The following CDK5RAP2 variants were observed in gnomAD, a reference collection of about 807,000 sequenced individuals.
CDK5RAP2 encodes the protein CDK5 regulatory subunit-associated protein 2.
In CDK5RAP2, 147 loss-of-function variants were observed where a neutral mutation model predicts 232.9. The observed-to-expected ratio is 0.63, with a 90% CI of 0.55 to 0.72. CDK5RAP2 has a LOEUF of 0.72. CDK5RAP2 is among the 30% of genes least tolerant of loss of function. The pLI is 0.00. For missense variants in CDK5RAP2, 2,195 were observed against 2,231.5 expected, an observed-to-expected ratio of 0.98 and a Z score of 0.33; for synonymous variants, 833 against 833.7, an observed-to-expected ratio of 1.00 and a Z score of 0.01.
chr9:120,394,671 A>C (rs367948561), intron 35 of CDK5RAP2, 33 bp from the exon 36 acceptor site: 114 of 1,514,822 alleles, frequency 7.5e-5, no homozygotes, highest in Non-Finnish European at 9.7e-5. Context: ...AAATGAACAA[A>C]GAACATAAAC....
At position 120,518,561 on chromosome 9, in the gene CDK5RAP2, C is replaced by G; in HGVS notation, c.1177G>C (p.Glu393Gln). Residue 393 changes from glutamate (E) to glutamine (Q), a missense_variant, in exon 12 of 38, where the codon GAG becomes CAG. Physicochemically the swap from Glu to Gln is conservative, Grantham distance 29 (BLOSUM62 2). Coordinates refer to ENST00000349780, the MANE Select transcript of CDK5RAP2 (RefSeq NM_018249.6). Reference protein sequence around the residue: ...LRSQNLTKSTENHRLRRSIKK... With the variant: ...LRSQNLTKSTQNHRLRRSIKK... ...ATGCTTCTACGCAGTCTGTGGTTCT[C>G]TGTACTCTTGGTGAGGTTTTGTGAG... 2 of 1,613,780 alleles carry G rather than the reference C, an allele frequency of 1.2e-6. No homozygotes were observed. The highest frequency in any genetic ancestry group is 1.7e-6 in the Non-Finnish European group (2 of 1,179,990).
intron 3 of CDK5RAP2, among the ~76,000 whole-genome samples, chr9:120,562,149 G>A (rs2042484866): frequency 6.6e-6 from 1 of 152,158 alleles, no homozygotes; most frequent in Non-Finnish European, 1.5e-5. Flanking sequence ...CATCAACAGA[G>A]CTTTATTCCT....
chr9:120,389,906 G>A lies in CDK5RAP2; in HGVS notation c.5579-119C>T, dbSNP rs531490909. The A allele has an allele frequency of 7.5e-5, 65 of 861,030 alleles. No individual in the cohort carries two copies. In the African/African-American group the frequency reaches 7.8e-4, roughly 10 times the overall value. 53.3% of individuals were successfully genotyped at this position (861,030 alleles called of 1,614,324 possible). A position where few individuals can be genotyped will look rare whatever the true frequency, so the allele number is the denominator to read the frequency against. On this transcript the variant is annotated intron_variant, in intron 36 of 37. Transcript: ENST00000349780. Reference sequence around the variant, plus strand: ...AAGGGCTCGGACATGTAGACAACACGAGGTCTGAAGCATCCAGACCAGAGG... The same window carrying A: ...AAGGGCTCGGACATGTAGACAACACAAGGTCTGAAGCATCCAGACCAGAGG...
chr9:120,529,584 C>T (rs565317741), intron 8 of CDK5RAP2, among the ~76,000 whole-genome samples: 46 of 152,354 alleles, frequency 3.0e-4, no homozygotes, highest in Middle Eastern at 3.4e-3. Context: ...TCTTCCCACC[C>T]TACCTCTCAA....
chr9:120,461,560 G>A (rs1333529553), intron 18 of CDK5RAP2, among the ~76,000 whole-genome samples: 1 of 152,162 alleles, frequency 6.6e-6, no homozygotes, highest in Non-Finnish European at 1.5e-5. Context: ...AAAGAGTCTG[G>A]CCAGGTGCGG....
chr9:120,553,592 A>AT (rs948835412), intron 3 of CDK5RAP2, among the ~76,000 whole-genome samples: 2 of 152,190 alleles, frequency 1.3e-5, no homozygotes, highest in African/African-American at 4.8e-5. Flanking sequence ...GGAAAAGTGC[A>AT]TAGTGCTTGG....
Position 120,439,452 on chromosome 9 carries a change from A to C in CDK5RAP2, c.3669T>G (p.Leu1223=). 1 of 1,614,156 alleles carries C rather than the reference A, an allele frequency of 6.2e-7. No homozygotes were observed. Among genetic ancestry groups the C allele is most frequent in the Non-Finnish European group, 8.5e-7 (1 of 1,180,020 alleles). The change falls in exon 24 of 38, where the codon CTT becomes CTG. Residue 1223 remains leucine, a synonymous_variant. Transcript: ENST00000349780. ...LQKEQNLNMQ[L]FSEIHNLQNK... The stretch of plus-strand genomic sequence containing the variant: ...TCTGCAGATTATGGATCTCACTGAA[A>C]AGTTGCATGTTCAAATTCTGCTCCT...
chr9:120,507,481 CAAG>C (rs1295462903), intron 12 of CDK5RAP2, among the ~76,000 whole-genome samples: 1 of 152,088 alleles, frequency 6.6e-6, no homozygotes, highest in African/African-American at 2.4e-5. Flanking sequence ...AAGCCAAATC[CAAG>C]AAGCTCTAGG....
intron 12 of CDK5RAP2, chr9:120,517,992 G>A (rs894735636): frequency 9.5e-6 from 2 of 210,570 alleles, no homozygotes; most frequent in South Asian, 6.8e-5. Flanking sequence ...TCTAAATGCC[G>A]TTCAAAAAAG....
Position 120,448,096 on chromosome 9 carries a change from T to A in CDK5RAP2, c.2824A>T (p.Ile942Leu). 1 of 1,614,166 alleles carries A rather than the reference T, an allele frequency of 6.2e-7. No individual in the cohort carries two copies. Among genetic ancestry groups the A allele is most frequent in the Non-Finnish European group, 8.5e-7 (1 of 1,180,000 alleles). ...EAKKSRLPIL[I>L]KPSRSLGNMY... ...TTTCCTAATGACCGGGATGGTTTTA[T>A]TAGGATTGGCAAGCGGGACTTCTTA... is the stretch of plus-strand genomic sequence containing the variant. Residue 942 changes from isoleucine to leucine, a missense_variant, in exon 22 of 38, where the codon ATA becomes TTA. Physicochemically the swap from Ile to Leu is conservative, Grantham distance 5. Coordinates refer to ENST00000349780, the MANE Select transcript of CDK5RAP2 (RefSeq NM_018249.6).
At chr9:120,398,806 A>G (rs778945969) in intron 35 of CDK5RAP2, among the ~76,000 whole-genome samples, 1 of 152,214 alleles carries the variant, frequency 6.6e-6, no homozygotes, top group Non-Finnish European at 1.5e-5. Context: ...CACTTTCCAG[A>G]GCAGTCCAGA....
At chr9:120,527,048 A>G (rs964182181) in intron 10 of CDK5RAP2, among the ~76,000 whole-genome samples, 1 of 151,980 alleles carries the variant, frequency 6.6e-6, no homozygotes, top group Non-Finnish European at 1.5e-5. Flanking sequence ...TCCCTCAATC[A>G]CAACCCTCAA....
intron 29 of CDK5RAP2, 33 bp from the exon 30 acceptor site, chr9:120,409,349 C>A: frequency 6.7e-7 from 1 of 1,499,254 alleles, no homozygotes; most frequent in Non-Finnish European, 9.1e-7. Context: ...CTGAGAAGGG[C>A]CACCATTTGT....
chr9:120,516,032 C>T (rs1481158681), intron 12 of CDK5RAP2, among the ~76,000 whole-genome samples: 1 of 152,092 alleles, frequency 6.6e-6, no homozygotes, highest in Non-Finnish European at 1.5e-5. Context: ...ACCCAAAGGA[C>T]TATAAATCAT....
intron 18 of CDK5RAP2, 136 bp from the exon 19 acceptor site, chr9:120,460,803 C>T (rs763361719): frequency 2.8e-6 from 4 of 1,427,460 alleles, no homozygotes; most frequent in Non-Finnish European, 2.9e-6. Context: ...GAAACAAATG[C>T]CAAAGCCATG....
At chr9:120,513,131 C>A (rs1259523193) in intron 12 of CDK5RAP2, among the ~76,000 whole-genome samples, 1 of 152,180 alleles carries the variant, frequency 6.6e-6, no homozygotes, top group Non-Finnish European at 1.5e-5. Flanking sequence ...AGTCAAGCCC[C>A]AGAAGCTACA....
chr9:120,535,108 AC>A (rs2041327429), intron 7 of CDK5RAP2, among the ~76,000 whole-genome samples: 1 of 152,162 alleles, frequency 6.6e-6, no homozygotes, highest in Non-Finnish European at 1.5e-5. Flanking sequence ...TCCATGGGGA[AC>A]CCAGTTTCCT....
Position 120,388,921 on chromosome 9 carries a change from G to C in CDK5RAP2, c.*315C>G, listed in dbSNP as rs974162337. 16 of 455,506 alleles carry C rather than the reference G, an allele frequency of 3.5e-5. No homozygotes were observed. Among genetic ancestry groups the C allele is most frequent in the African/African-American group, 3.1e-4 (16 of 50,976 alleles). The allele number at this position is 455,506 out of a possible 1,614,324, so 28.2% of individuals were successfully genotyped here. ...ATGAGAATCTTCAAACTGTGGCACT[G>C]GCTGAGTACTAAGCAAATCCAGGGG... On this transcript the variant is annotated 3_prime_UTR_variant, in exon 38 of 38. Coordinates refer to ENST00000349780, the MANE Select transcript of CDK5RAP2 (RefSeq NM_018249.6).
intron 2 of CDK5RAP2, among the ~76,000 whole-genome samples, chr9:120,571,147 G>A (rs2042841381): frequency 6.6e-6 from 1 of 152,200 alleles, no homozygotes; most frequent in Non-Finnish European, 1.5e-5. Context: ...GACAGGACAA[G>A]ACCATGTCTC....
Sources: allele counts gnomAD v4.1 joint callset (sites outside exome capture counted in the v4.1 genomes callset), GRCh38; gene constraint gnomAD v4.1.1; transcripts MANE v1.5; gene names NCBI Gene and HGNC (gene_info 2026-07-23, HGNC 2026-07-21).